The following TMEM163 variants were observed in gnomAD, a reference collection of about 807,000 sequenced individuals.
TMEM163 encodes transmembrane protein 163.
In TMEM163, 17 loss-of-function variants were observed where a neutral mutation model predicts 29.3. The observed-to-expected ratio is 0.58, with a 90% CI of 0.40 to 0.87. TMEM163 has a LOEUF of 0.87. Among genes scored for constraint, TMEM163 ranks in the 40% least tolerant of loss-of-function variants. The pLI is 0.00. For missense variants in TMEM163, 303 were observed against 381.5 expected (o/e 0.79, Z 1.71); for synonymous variants, 157 against 160.6 (o/e 0.98, Z 0.17).
At chr2:134,717,441 G>A (rs1685060453) in intron 1 of TMEM163, among the ~76,000 whole-genome samples, 2 of 152,134 alleles carry the variant, frequency 1.3e-5, no homozygotes, top group African/African-American at 2.4e-5. Flanking sequence ...TCCAGTTCTC[G>A]CTGAGCATCT....
chr2:134,677,490 G>T (rs751495732), intron 2 of TMEM163, among the ~76,000 whole-genome samples: 3 of 152,100 alleles, frequency 2.0e-5, no homozygotes, highest in Non-Finnish European at 2.9e-5. Flanking sequence ...GCCAAGCCAT[G>T]TATTGCTTTT....
chr2:134,469,385 A>G (rs635883), intron 5 of TMEM163: 31,249 of 151,996 alleles, frequency 0.21, 3,982 homozygotes, highest in South Asian at 0.44. Flanking sequence ...CTTACTAGCT[A>G]GGTGACTCTG....
At chr2:134,641,772 A>G (rs1158058702) in intron 2 of TMEM163, among the ~76,000 whole-genome samples, 2 of 152,218 alleles carry the variant, frequency 1.3e-5, no homozygotes, top group Admixed American at 6.5e-5. Flanking sequence ...AAATGCACCA[A>G]TTAAAAAACA....
At chr2:134,524,342 A>C (rs1680248082) in intron 4 of TMEM163, among the ~76,000 whole-genome samples, 1 of 134,238 alleles carries the variant, frequency 7.4e-6, no homozygotes, top group Non-Finnish European at 1.6e-5. Flanking sequence ...TTTAATATCG[A>C]TAACATTTAA....
chr2:134,495,987 A>G (rs189059703), intron 5 of TMEM163, among the ~76,000 whole-genome samples: 94 of 152,286 alleles, frequency 6.2e-4, no homozygotes, highest in African/African-American at 2.1e-3. Flanking sequence ...GGACTCCCCA[A>G]TTCATCCACC....
chr2:134,626,541 T>C (rs1026264884), intron 2 of TMEM163, among the ~76,000 whole-genome samples: 1 of 152,176 alleles, frequency 6.6e-6, no homozygotes, highest in Non-Finnish European at 1.5e-5. Flanking sequence ...TGTGGTTGCG[T>C]TGGGCCCATC....
rs887919585 is a variant in TMEM163, at chr2:134,718,896, C to T, written c.40G>A (p.Gly14Arg). 7 of 1,087,984 alleles carry T rather than the reference C, an allele frequency of 6.4e-6. No homozygotes were observed. The highest frequency in any genetic ancestry group is 1.0e-4 in the Admixed American group (2 of 19,210). 67.4% of individuals were successfully genotyped at this position (1,087,984 alleles called of 1,614,324 possible). A position where few individuals can be genotyped will look rare whatever the true frequency, so the allele number is the denominator to read the frequency against. ...AAGIQRRSSQGPTVPPPPRGH... is the reference protein window; with the variant it reads ...AAGIQRRSSQRPTVPPPPRGH... ...CGGGGCGGCGGCGGGACGGTGGGCC[C>T]CTGGGAGCTGCGGCGCTGGATGCCC... Residue 14 changes from glycine (G) to arginine (R), a missense_variant, in exon 1 of 8, where the codon GGG becomes AGG. Coordinates refer to ENST00000281924, the MANE Select transcript of TMEM163 (RefSeq NM_030923.5).
Position 134,456,411 on chromosome 2 carries a change from C to T in TMEM163, c.*305G>A. The T allele has an allele frequency of 2.5e-6, 1 of 403,014 alleles. No homozygotes were observed. The highest frequency in any genetic ancestry group is 2.8e-5 in the South Asian group (1 of 35,818). 25.0% of individuals were successfully genotyped at this position (403,014 alleles called of 1,614,324 possible). ...GCAGGCTCAGAGCACCACCGAAGAC[C>T]TTTCTGCCAAAGATCTCATCCTACC... On this transcript the variant is annotated 3_prime_UTR_variant, in exon 8 of 8. Transcript: ENST00000281924.
In TMEM163 at chr2:134,582,368, T is replaced by G. The variant is rs192401754; in HGVS notation, c.323-30277A>C. 7.2e-5 allele frequency among the ~76,000 whole-genome samples: 11 copies of G among 152,352 alleles called. No individual in the cohort carries two copies. In the East Asian group the frequency reaches 2.1e-3, roughly 29 times the overall value. ...ATGACAGCTGCCATGCGGGGGCCGC[T>G]GCTAAGTGCAAGTGCTCTACAAACC... On this transcript the variant is annotated intron_variant, in intron 2 of 7. Coordinates refer to ENST00000281924, the MANE Select transcript of TMEM163 (RefSeq NM_030923.5).
At chr2:134,683,724 G>A (rs530645809) in intron 2 of TMEM163, among the ~76,000 whole-genome samples, 1 of 152,274 alleles carries the variant, frequency 6.6e-6, no homozygotes, top group East Asian at 1.9e-4. Context: ...CGCTGGGAGG[G>A]AAGGAGGAAG....
At chr2:134,477,371 T>C (rs989248201) in intron 5 of TMEM163, among the ~76,000 whole-genome samples, 3 of 152,218 alleles carry the variant, frequency 2.0e-5, no homozygotes, top group Non-Finnish European at 2.9e-5. Context: ...CAGAGAAATG[T>C]GCCACGTTGG....
chr2:134,524,096 C>G (rs1680243107), intron 4 of TMEM163, among the ~76,000 whole-genome samples: 2 of 152,200 alleles, frequency 1.3e-5, no homozygotes, highest in South Asian at 2.1e-4. Flanking sequence ...GCGACATAAC[C>G]CAGGATCTCA....
intron 2 of TMEM163, among the ~76,000 whole-genome samples, chr2:134,640,794 A>G (rs115587632): frequency 6.8e-4 from 103 of 152,342 alleles, no homozygotes; most frequent in African/African-American, 2.1e-3. Context: ...GCACCTTCAG[A>G]TCATAGAAAA....
intron 2 of TMEM163, among the ~76,000 whole-genome samples, chr2:134,706,416 A>G (rs1209224414): frequency 1.3e-5 from 2 of 152,108 alleles, no homozygotes; most frequent in East Asian, 1.9e-4. Flanking sequence ...GCGGCTGACA[A>G]CACCGCCTGA....
chr2:134,476,007 C>T (rs780659303), intron 5 of TMEM163, among the ~76,000 whole-genome samples: 10 of 152,186 alleles, frequency 6.6e-5, no homozygotes, highest in Non-Finnish European at 1.2e-4. Flanking sequence ...TACGTCCACA[C>T]GAAGACTTGC....
chr2:134,537,821 G>A (rs987635737), intron 4 of TMEM163, among the ~76,000 whole-genome samples: 45 of 152,288 alleles, frequency 3.0e-4, no homozygotes, highest in African/African-American at 1.0e-3. Flanking sequence ...TCAGTGAGGT[G>A]CAGGGCCTCC....
chr2:134,517,401 A>C (rs1375465286), intron 4 of TMEM163, among the ~76,000 whole-genome samples: 1 of 152,186 alleles, frequency 6.6e-6, no homozygotes, highest in Non-Finnish European at 1.5e-5. Flanking sequence ...GTCTGGGAAA[A>C]GTCTATGAGC....
At chr2:134,583,059 G>T (rs1300063747) in intron 2 of TMEM163, among the ~76,000 whole-genome samples, 1 of 152,164 alleles carries the variant, frequency 6.6e-6, no homozygotes, top group African/African-American at 2.4e-5. Flanking sequence ...AAAAAAATAT[G>T]AGAAGAACTT....
intron 2 of TMEM163, among the ~76,000 whole-genome samples, chr2:134,626,153 G>A (rs1574290811): frequency 7.2e-6 from 1 of 139,448 alleles, no homozygotes; most frequent in African/African-American, 2.7e-5. Flanking sequence ...CGCTCAGGCT[G>A]GAGTGCAGTG....
Sources: gnomAD v4.1 joint callset for allele counts (sites outside exome capture counted in the v4.1 genomes callset) on GRCh38, gnomAD v4.1.1 for gene constraint, MANE v1.5 for transcripts, NCBI Gene and HGNC (gene_info 2026-07-23, HGNC 2026-07-21) for gene names.